The following IKZF2 variants were observed in gnomAD, a reference collection of about 807,000 sequenced individuals.
IKZF2 encodes the protein IKAROS family zinc finger 2.
Under a neutral mutation model 49.2 loss-of-function variants are expected in IKZF2, and 15 were observed. That is an observed-to-expected ratio of 0.30 (90% CI 0.20 to 0.47). The LOEUF is 0.47. IKZF2 is among the 20% of genes least tolerant of loss of function. IKZF2 has a pLI of 1.00. For synonymous variants in IKZF2, 227 were observed against 221.4 expected, an observed-to-expected ratio of 1.03 and a Z score of -0.23; for missense variants, 567 against 664.6, an observed-to-expected ratio of 0.85 and a Z score of 1.61.
At chr2:213,089,546 A>G (rs1266450028) in intron 4 of IKZF2, among the ~76,000 whole-genome samples, 1 of 152,210 alleles carries the variant, frequency 6.6e-6, no homozygotes, top group African/African-American at 2.4e-5. Flanking sequence ...CAAGTACACC[A>G]AATATGCAAA....
rs746763099 is a variant in IKZF2 at position 213,007,738 on chromosome 2, G to T, written c.1203C>A (p.Ser401Arg). ...SRPQEREASP[S>R]NSCLDSTDSE... ...AGTCAGTGGAATCCAGGCAGCTATT[G>T]CTGGGAGAGGCCTCTCTTTCCTGGG... Residue 401 changes from serine to arginine, a missense_variant, in exon 9 of 9, where the codon AGC becomes AGA. Around this residue, in one of 5 missense-constraint regions of IKZF2, gnomAD observed 310 missense variants for 326.9 expected, o/e 0.95. Coordinates refer to ENST00000434687, the MANE Select transcript of IKZF2 (RefSeq NM_001387220.1). 1.2e-6 allele frequency: 2 copies of T among 1,613,726 alleles called. No individual in the cohort carries two copies. The highest frequency in any genetic ancestry group is 2.2e-5 in the South Asian group (2 of 91,070).
At chr2:213,114,250 A>T (rs1393379679) in intron 4 of IKZF2, among the ~76,000 whole-genome samples, 2 of 152,170 alleles carry the variant, frequency 1.3e-5, no homozygotes, top group Non-Finnish European at 2.9e-5. Context: ...ATAGGGGCAA[A>T]GGTGCAACGG....
intron 4 of IKZF2, among the ~76,000 whole-genome samples, chr2:213,124,248 GCGCGCACACACACACACACA>G (rs1183816158): frequency 4.1e-4 from 47 of 115,494 alleles, no homozygotes; most frequent in African/African-American, 7.6e-4. Context: ...GCTCGCGCGC[GCGCGCACACACACACACACA>G]CACACACACA....
At position 213,049,882 on chromosome 2, in the gene IKZF2, T is replaced by C; in HGVS notation, c.407-2A>G. 1 of 1,542,750 alleles carries C rather than the reference T, an allele frequency of 6.5e-7. No individual in the cohort carries two copies. Among genetic ancestry groups the C allele is most frequent in the Non-Finnish European group, 8.8e-7 (1 of 1,137,276 alleles). On this transcript the variant is annotated splice_acceptor_variant, in intron 5 of 8. Coordinates refer to ENST00000434687, the MANE Select transcript of IKZF2 (RefSeq NM_001387220.1). LOFTEE classifies it high-confidence loss of function. ...GGTTACAGTGGAAGGGGCGTTCACC[T>C]GCAGTAAGGAGAAGAAATGGGAAGT... is the stretch of plus-strand genomic sequence containing the variant.
At chr2:213,105,625 TC>T (rs2059500308) in intron 4 of IKZF2, among the ~76,000 whole-genome samples, 1 of 152,070 alleles carries the variant, frequency 6.6e-6, no homozygotes, top group African/African-American at 2.4e-5. Context: ...TACATTTTTT[TC>T]CTAACAAAAA....
In IKZF2 at chr2:213,000,224, G is replaced by A. The variant is rs2124928178; in HGVS notation, c.*7136C>T. On this transcript the variant is annotated 3_prime_UTR_variant, in exon 9 of 9. Transcript: ENST00000434687. ...ACACTTAGCAAACCTGACATACAAG[G>A]TATGGAATTTTAACTTTACATATAT... 1 of 142,802 alleles carries A rather than the reference G, an allele frequency of 7.0e-6. No homozygotes were observed. Among genetic ancestry groups the A allele is most frequent in the East Asian group, 2.0e-4 (1 of 4,884 alleles). The allele number at this position is 142,802 out of a possible 1,614,324, so 8.8% of individuals were successfully genotyped here. A position where few individuals can be genotyped will look rare whatever the true frequency, so the allele number is the denominator to read the frequency against.
chr2:213,085,293 CA>C (rs1342335618), intron 4 of IKZF2, among the ~76,000 whole-genome samples: 1 of 152,076 alleles, frequency 6.6e-6, no homozygotes, highest in Non-Finnish European at 1.5e-5. Flanking sequence ...TGTTTTTAAA[CA>C]AAAAGCCTTT....
At chr2:213,026,363 T>A (rs1390756186) in intron 6 of IKZF2, among the ~76,000 whole-genome samples, 1 of 152,196 alleles carries the variant, frequency 6.6e-6, no homozygotes, top group Non-Finnish European at 1.5e-5. Context: ...CTATCTTATA[T>A]TATCTGTGAC....
chr2:213,144,842 T>A (rs1028981033), intron 4 of IKZF2, among the ~76,000 whole-genome samples: 1 of 151,958 alleles, frequency 6.6e-6, no homozygotes, highest in African/African-American at 2.4e-5. Flanking sequence ...AATGTTAGGA[T>A]CACTAATACC....
intron 4 of IKZF2, chr2:213,097,967 A>G (rs1228869813): frequency 6.5e-6 from 2 of 309,830 alleles, no homozygotes; most frequent in Admixed American, 7.7e-5. Context: ...GACCCTATAA[A>G]TTAGAGAAAG....
chr2:213,051,495 A>G lies in IKZF2; in HGVS notation c.407-1615T>C, dbSNP rs540083675. Among the ~76,000 whole-genome samples, 3 of 152,084 alleles carry G rather than the reference A, an allele frequency of 2.0e-5. No individual in the cohort carries two copies. The East Asian group carries it at 5.8e-4, about 29-fold the overall frequency. On this transcript the variant is annotated intron_variant, in intron 5 of 8. Transcript: ENST00000434687. ...AAGTTCCCTTAAGTGGTATCTTCTTAGTTTGATTAACCTGGTAAGATCTAT... is the reference window on the plus strand; with the variant it reads ...AAGTTCCCTTAAGTGGTATCTTCTTGGTTTGATTAACCTGGTAAGATCTAT...
intron 7 of IKZF2, chr2:213,021,497 T>C (rs1697213179): frequency 3.8e-6 from 1 of 261,996 alleles, no homozygotes; most frequent in Non-Finnish European, 7.4e-6. Context: ...CAGGATGTTT[T>C]GCTTGGAGAA....
At chr2:213,103,023 T>A (rs1706892498) in intron 4 of IKZF2, among the ~76,000 whole-genome samples, 1 of 152,158 alleles carries the variant, frequency 6.6e-6, no homozygotes, top group Non-Finnish European at 1.5e-5. Flanking sequence ...GTCAGGATAA[T>A]GGCAATATAA....
chr2:213,044,149 G>C (rs1199109245), intron 6 of IKZF2, among the ~76,000 whole-genome samples: 1 of 152,100 alleles, frequency 6.6e-6, no homozygotes, highest in Non-Finnish European at 1.5e-5. Context: ...GGTTAGCAAA[G>C]GCTACATTCT....
intron 4 of IKZF2, among the ~76,000 whole-genome samples, chr2:213,100,393 T>A (rs1475706997): frequency 6.6e-6 from 1 of 152,014 alleles, no homozygotes; most frequent in Non-Finnish European, 1.5e-5. Flanking sequence ...GACTATTTTA[T>A]AATAAAACAA....
chr2:213,027,575 C>A (rs1468952101), intron 6 of IKZF2, among the ~76,000 whole-genome samples: 3 of 151,980 alleles, frequency 2.0e-5, no homozygotes, highest in Non-Finnish European at 4.4e-5. Context: ...CTGATGGTAC[C>A]CTGGGTTTAT....
chr2:213,075,970 CAA>C (rs1433518930), intron 4 of IKZF2, among the ~76,000 whole-genome samples: 1 of 152,066 alleles, frequency 6.6e-6, no homozygotes, highest in Non-Finnish European at 1.5e-5. Flanking sequence ...TGGCACATAG[CAA>C]AGAGCAGAGC....
chr2:213,084,708 C>G (rs1327849901), intron 4 of IKZF2, among the ~76,000 whole-genome samples: 4 of 151,988 alleles, frequency 2.6e-5, no homozygotes, highest in Admixed American at 6.6e-5. Flanking sequence ...GCCTTTTACA[C>G]ATGAAAAAAT....
At chr2:213,120,812 C>A (rs1338820364) in intron 4 of IKZF2, among the ~76,000 whole-genome samples, 1 of 152,118 alleles carries the variant, frequency 6.6e-6, no homozygotes, top group African/African-American at 2.4e-5. Flanking sequence ...AAGATCTTGG[C>A]TCACTGCAGC....
Sources: gnomAD v4.1 joint callset for allele counts (sites outside exome capture counted in the v4.1 genomes callset) on GRCh38, gnomAD v4.1.1 for gene constraint, gnomAD v4.1.1 regional missense constraint, MANE v1.5 for transcripts, NCBI Gene and HGNC (gene_info 2026-07-23, HGNC 2026-07-21) for gene names.